The following NAV2 variants were observed in gnomAD, a reference collection of about 807,000 sequenced individuals.
The protein encoded by NAV2 is helicase, APC down-regulated 1.
Under a neutral mutation model 223.2 loss-of-function variants are expected in NAV2, and 54 were observed. The observed-to-expected ratio is 0.24, with a 90% CI of 0.19 to 0.30. The LOEUF is 0.30. NAV2 is among the 10% of genes least tolerant of loss of function. NAV2 has a pLI of 1.00. For synonymous variants in NAV2, 1,279 were observed against 1,239.3 expected, an observed-to-expected ratio of 1.03 and a Z score of -0.67; for missense variants, 2,806 against 3,147.5, an observed-to-expected ratio of 0.89 and a Z score of 2.60.
In NAV2 at chr11:19,401,663, C is replaced by T. The variant is rs552024978; in HGVS notation, c.75+50636C>T. ...ATTTAAGATGGACTCAGGATTCACC[C>T]ACTCTGCAGGGAGCACTATGTATAC... On this transcript the variant is annotated intron_variant, in intron 1 of 37. Transcript: ENST00000360655. 1.2e-4 allele frequency among the ~76,000 whole-genome samples: 18 copies of T among 152,308 alleles called. No homozygotes were observed. The South Asian group carries it at 3.7e-3, about 32-fold the overall frequency.
At chr11:19,648,025 G>T (rs1172320565) in intron 1 of NAV2, among the ~76,000 whole-genome samples, 2 of 152,206 alleles carry the variant, frequency 1.3e-5, no homozygotes, top group Non-Finnish European at 2.9e-5. Flanking sequence ...CTCTGTAGGG[G>T]AGGGTGGCTT....
intron 1 of NAV2, among the ~76,000 whole-genome samples, chr11:19,677,314 G>A (rs1369965457): frequency 2.0e-5 from 3 of 152,238 alleles, no homozygotes; most frequent in South Asian, 2.1e-4. Context: ...AATTTTGGCC[G>A]AGCCCAGGGT....
chr11:19,970,092 T>C (rs898017499), intron 10 of NAV2, among the ~76,000 whole-genome samples: 11 of 152,228 alleles, frequency 7.2e-5, no homozygotes, highest in Non-Finnish European at 1.5e-4. Flanking sequence ...ACTCACCCAA[T>C]GTGAGACCAC....
At chr11:19,844,787 T>G (rs2060695895) in intron 3 of NAV2, among the ~76,000 whole-genome samples, 3 of 152,074 alleles carry the variant, frequency 2.0e-5, no homozygotes, top group African/African-American at 2.4e-5. Flanking sequence ...AGTGCTATAT[T>G]TTTTTGTTTT....
chr11:19,984,763 A>G (rs1352577106), intron 11 of NAV2, among the ~76,000 whole-genome samples: 3 of 152,196 alleles, frequency 2.0e-5, no homozygotes, highest in Admixed American at 2.0e-4. Context: ...ATAGAGGTTG[A>G]TCAGGCGTCA....
intron 1 of NAV2, chr11:19,714,650 G>A (rs1369012016): frequency 1.6e-5 from 6 of 368,060 alleles, no homozygotes; most frequent in Non-Finnish European, 2.7e-5. Flanking sequence ...GGCGGCCGAA[G>A]CTAAGCCCCT....
At chr11:19,988,826 C>T (rs2051043894) in intron 11 of NAV2, among the ~76,000 whole-genome samples, 1 of 152,152 alleles carries the variant, frequency 6.6e-6, no homozygotes, top group Non-Finnish European at 1.5e-5. Flanking sequence ...TCCAAGAGCC[C>T]AGGACACTGC....
intron 1 of NAV2, among the ~76,000 whole-genome samples, chr11:19,581,549 A>T (rs57294043): frequency 0.012 from 1,851 of 151,842 alleles, 27 homozygotes; most frequent in South Asian, 0.039. Context: ...CCAGTGTGTG[A>T]TGTTCCCCTT....
intron 1 of NAV2, among the ~76,000 whole-genome samples, chr11:19,409,513 A>G (rs954789704): frequency 6.6e-6 from 1 of 151,976 alleles, no homozygotes; most frequent in African/African-American, 2.4e-5. Context: ...GGGCCTTGGC[A>G]AGGTTGAGAG....
intron 1 of NAV2, among the ~76,000 whole-genome samples, chr11:19,562,792 G>T (rs1421150259): frequency 6.6e-6 from 1 of 152,178 alleles, no homozygotes; most frequent in Admixed American, 6.5e-5. Context: ...CTATAGATCT[G>T]CATCAGTAGC....
chr11:19,878,400 AAAC>A (rs1394826875), intron 4 of NAV2, among the ~76,000 whole-genome samples: 1 of 152,178 alleles, frequency 6.6e-6, no homozygotes, highest in Non-Finnish European at 1.5e-5. Flanking sequence ...TAGTTCTGCA[AAAC>A]AACCTTGTGC....
chr11:19,618,402 ATGGATGG>A (rs2046870116), intron 1 of NAV2, among the ~76,000 whole-genome samples: 2 of 33,022 alleles, frequency 6.1e-5, no homozygotes, highest in African/African-American at 1.3e-4. Context: ...GGATGAATAG[ATGGATGG>A]ATGGATGGAT....
chr11:19,560,828 A>G (rs2045069346), intron 1 of NAV2, among the ~76,000 whole-genome samples: 2 of 152,234 alleles, frequency 1.3e-5, no homozygotes, highest in Admixed American at 6.5e-5. Context: ...TCATGTCAGT[A>G]CACACTAAGT....
intron 1 of NAV2, among the ~76,000 whole-genome samples, chr11:19,380,778 A>G (rs1464241375): frequency 6.6e-6 from 1 of 152,222 alleles, no homozygotes; most frequent in Non-Finnish European, 1.5e-5. Context: ...AAAATGCCCA[A>G]GCTCTTGAGC....
chr11:19,892,417 T>C lies in NAV2; in HGVS notation c.771-17T>C. 6.2e-7 allele frequency: 1 copy of C among 1,612,314 alleles called. No homozygotes were observed. The highest frequency in any genetic ancestry group is 8.5e-7 in the Non-Finnish European group (1 of 1,179,244). On this transcript the variant is annotated splice_polypyrimidine_tract_variant and intron_variant, in intron 5 of 37. Coordinates refer to ENST00000349880, the MANE Select transcript of NAV2 (RefSeq NM_145117.5). ...TTCTGAGACTGAATGCATTATCCTGTTGCTTTTGCATTTTAGACTTCCAGG... is the reference window on the plus strand; with the variant it reads ...TTCTGAGACTGAATGCATTATCCTGCTGCTTTTGCATTTTAGACTTCCAGG...
At chr11:19,995,986 T>C (rs79713483) in intron 11 of NAV2, among the ~76,000 whole-genome samples, 1,541 of 152,292 alleles carry the variant, frequency 0.01, 32 homozygotes, top group African/African-American at 0.035. Context: ...TCCTATGCTG[T>C]GATTTTTCAT....
chr11:19,757,382 T>C (rs2054317747), intron 1 of NAV2, among the ~76,000 whole-genome samples: 1 of 152,078 alleles, frequency 6.6e-6, no homozygotes, highest in Non-Finnish European at 1.5e-5. Context: ...TACTGCCTCA[T>C]AAGGTGTCCT....
rs2045574154 is a variant in NAV2, at chr11:19,933,484, T to C, written c.1240T>C (p.Ser414Pro). ...GAAACTTTTCAACAGTAAAGGGGGC[T>C]CAAAGGCAGGTGAGGGGCCGGGGTC... ...KLKLFNSKGGSKAGEGPGSRD... is the reference protein window; with the variant it reads ...KLKLFNSKGGPKAGEGPGSRD... The change falls in exon 7 of 38, where the codon TCA becomes CCA. Residue 414 changes from serine (S) to proline (P), a missense_variant. This residue lies in a region of NAV2 where 1,167 missense variants were observed against 1,180.5 expected (regional missense o/e 0.99). Transcript: ENST00000349880. This position sits in a 1 kb window ranked among gnomAD's most constrained non-coding sequence, Gnocchi z 4.3. The C allele has an allele frequency of 1.2e-6, 2 of 1,610,706 alleles. No individual in the cohort carries two copies. The highest frequency in any genetic ancestry group is 8.5e-7 in the Non-Finnish European group (1 of 1,178,746).
chr11:19,917,962 C>G (rs2043948538), intron 6 of NAV2, among the ~76,000 whole-genome samples: 2 of 152,192 alleles, frequency 1.3e-5, no homozygotes, highest in South Asian at 2.1e-4. Context: ...AGGCAACAGG[C>G]TATAGCTTCC....
Sources: gnomAD v4.1 joint callset for allele counts (sites outside exome capture counted in the v4.1 genomes callset) on GRCh38, gnomAD v4.1.1 for gene constraint, gnomAD v4.1.1 regional missense constraint, Gnocchi (gnomAD v3.1) non-coding constraint, MANE v1.5 for transcripts, NCBI Gene and HGNC (gene_info 2026-07-23, HGNC 2026-07-21) for gene names.